SUCO: variants seen among roughly 807,000 people sequenced by gnomAD.
SUCO encodes the protein SUN domain containing ossification factor.
Under a neutral mutation model 148.1 loss-of-function variants are expected in SUCO, and 57 were observed. The ratio of observed to expected loss-of-function variants is 0.38; its 90% CI spans 0.31 to 0.48. The LOEUF (loss-of-function observed/expected upper bound fraction) is 0.48, where lower values mean the gene tolerates loss of function less well. Ranked by LOEUF, SUCO falls within the 20% of genes least tolerant of loss-of-function variation. The pLI is 0.96. For synonymous variants in SUCO, 470 were observed against 502.7 expected (o/e 0.93, Z 0.87); for missense variants, 1,331 against 1,468.2 (o/e 0.91, Z 1.53).
At position 172,608,756 on chromosome 1, in the gene SUCO, A is replaced by G. The variant is rs1183894484; in HGVS notation, c.3275A>G (p.Asn1092Ser). The change falls in exon 23 of 24, where the codon AAT becomes AGT. Residue 1092 changes from asparagine to serine, a missense_variant. Asn to Ser is a conservative substitution (Grantham distance 46). This residue lies in a region of SUCO where 334 missense variants were observed against 352.3 expected (regional missense o/e 0.95). Coordinates refer to ENST00000263688, the MANE Select transcript of SUCO (RefSeq NM_014283.5). ...LQLTGKEVDP[N>S]DLYIVEPLKF... ...TTTTTTTTACTTACAGTAGACCCAA[A>G]TGATTTGTACATTGTAGAACCCCTC... 1 of 1,582,422 alleles carries G rather than the reference A, an allele frequency of 6.3e-7. No individual in the cohort carries two copies. Among genetic ancestry groups the G allele is most frequent in the Admixed American group, 1.8e-5 (1 of 55,828 alleles).
chr1:172,549,782 T>C (rs1228028640), intron 1 of SUCO, among the ~76,000 whole-genome samples: 1 of 151,472 alleles, frequency 6.6e-6, no homozygotes, highest in Non-Finnish European at 1.5e-5. Flanking sequence ...CACATAGTTG[T>C]AACATACACC....
At chr1:172,584,295 A>G (rs956620253) in intron 15 of SUCO, 1 of 558,346 alleles carries the variant, frequency 1.8e-6, no homozygotes, top group African/African-American at 2.0e-5. Flanking sequence ...GCTTTTTTAC[A>G]CTTTTTTAAA....
At chr1:172,555,015 A>G (rs1653621082) in intron 3 of SUCO, among the ~76,000 whole-genome samples, 1 of 152,050 alleles carries the variant, frequency 6.6e-6, no homozygotes, top group South Asian at 2.1e-4. Flanking sequence ...CTTCTAATTC[A>G]TCATAGTCCT....
chr1:172,553,703 A>G (rs1653488451), intron 3 of SUCO, among the ~76,000 whole-genome samples: 1 of 152,132 alleles, frequency 6.6e-6, no homozygotes, highest in South Asian at 2.1e-4. Flanking sequence ...AATCACTTGG[A>G]ACAAAAGGGA....
intron 2 of SUCO, chr1:172,552,736 C>A: frequency 1.6e-6 from 1 of 631,164 alleles, no homozygotes; most frequent in Non-Finnish European, 2.0e-6. Context: ...ATTTTGCAAA[C>A]AAATGTCATA....
At chr1:172,584,036 C>A (rs1361816410) in intron 15 of SUCO, among the ~76,000 whole-genome samples, 1 of 152,162 alleles carries the variant, frequency 6.6e-6, no homozygotes. Context: ...CATTAATCTG[C>A]CCCATACCTG....
intron 1 of SUCO, among the ~76,000 whole-genome samples, chr1:172,547,070 G>A (rs541866699): frequency 1.2e-4 from 19 of 152,190 alleles, no homozygotes; most frequent in Admixed American, 9.8e-4. Flanking sequence ...ATCCCCCAGA[G>A]GCAAGTAGTG....
chr1:172,601,784 A>C (rs1410651206), intron 20 of SUCO, among the ~76,000 whole-genome samples: 1 of 152,198 alleles, frequency 6.6e-6, no homozygotes, highest in Non-Finnish European at 1.5e-5. Flanking sequence ...ATGTGACAAA[A>C]TGTTAACAAT....
chr1:172,556,360 G>T (rs1473983262), intron 4 of SUCO, among the ~76,000 whole-genome samples: 1 of 152,032 alleles, frequency 6.6e-6, no homozygotes, highest in Admixed American at 6.6e-5. Flanking sequence ...CAAATGTCAG[G>T]TTATTCATTT....
At chr1:172,573,838 T>C in intron 9 of SUCO, 53 bp from the exon 10 acceptor site, 1 of 981,436 alleles carries the variant, frequency 1.0e-6, no homozygotes, top group South Asian at 1.4e-5. Flanking sequence ...TCATATTTAA[T>C]ATGAACTGTT....
chr1:172,581,735 A>G (rs1294935151), intron 15 of SUCO, among the ~76,000 whole-genome samples: 3 of 152,152 alleles, frequency 2.0e-5, no homozygotes, highest in Non-Finnish European at 4.4e-5. Context: ...TTTAATGTGT[A>G]CATAGTATCC....
chr1:172,561,067 C>T (rs1050319296), intron 6 of SUCO, among the ~76,000 whole-genome samples: 2 of 152,262 alleles, frequency 1.3e-5, no homozygotes, highest in African/African-American at 4.8e-5. Context: ...CAGGAGAAGC[C>T]ACCATGTATG....
intron 1 of SUCO, chr1:172,550,891 G>A: frequency 1.0e-6 from 1 of 977,336 alleles, no homozygotes; most frequent in Non-Finnish European, 1.2e-6. Context: ...TTATTATGTT[G>A]GACTAGTTTT....
chr1:172,557,933 G>A (rs954526628), intron 6 of SUCO, 139 bp downstream of exon 6: 25 of 656,110 alleles, frequency 3.8e-5, no homozygotes, highest in African/African-American at 1.3e-4. Flanking sequence ...GAACTAACAC[G>A]AACTGTGCTC....
intron 6 of SUCO, among the ~76,000 whole-genome samples, chr1:172,566,687 G>C (rs1438811476): frequency 1.3e-5 from 2 of 152,206 alleles, no homozygotes; most frequent in East Asian, 3.9e-4. Flanking sequence ...ATTAAGGGGT[G>C]GTTTACGCAG....
Position 172,588,791 on chromosome 1 carries a change from A to G in SUCO, c.1690A>G (p.Met564Val), listed in dbSNP as rs1656411410. ...AACCACTGAAGTACACACACATGAC[A>G]TGGAGCCGTCAACACCAGATACTCC... ...YVTTEVHTHDMEPSTPDTPKE... is the reference protein window; with the variant it reads ...YVTTEVHTHDVEPSTPDTPKE... The change falls in exon 18 of 24, where the codon ATG (methionine) becomes GTG (valine). Residue 564 changes from methionine (M) to valine (V), a missense_variant. Coordinates refer to ENST00000263688, the MANE Select transcript of SUCO (RefSeq NM_014283.5). 1.3e-6 allele frequency: 2 copies of G among 1,561,538 alleles called. No homozygotes were observed. Among genetic ancestry groups the G allele is most frequent in the South Asian group, 1.2e-5 (1 of 82,064 alleles).
chr1:172,610,248 G>A lies in SUCO; in HGVS notation c.3754G>A (p.Gly1252Arg). ...VGTFGVTAVS[G>R]HI Reference sequence around the variant, plus strand: ...AACATTTGGTGTTACAGCAGTCTCGGGACATATCTAAAATTAATTGAACTT... The same window carrying A: ...AACATTTGGTGTTACAGCAGTCTCGAGACATATCTAAAATTAATTGAACTT... The change falls in exon 24 of 24, where the codon GGA becomes AGA. Residue 1252 changes from glycine (G) to arginine (R), a missense_variant. Gly to Arg is a moderately radical substitution (Grantham distance 125). Around this residue, in one of 3 missense-constraint regions of SUCO, gnomAD observed 334 missense variants for 352.3 expected, o/e 0.95. Transcript: ENST00000263688. 6.3e-7 allele frequency: 1 copy of A among 1,580,944 alleles called. No individual in the cohort carries two copies. Among genetic ancestry groups the A allele is most frequent in the Non-Finnish European group, 8.6e-7 (1 of 1,168,300 alleles).
upstream of SUCO, chr1:172,532,574 A>G (rs1445427640): frequency 6.2e-7 from 1 of 1,613,952 alleles, no homozygotes; most frequent in Admixed American, 1.7e-5. Context: ...AGCTTCCCTC[A>G]CAACACACAC....
chr1:172,568,305 T>TACCC, intron 6 of SUCO: 1 of 905,998 alleles, frequency 1.1e-6, no homozygotes, highest in Non-Finnish European at 1.3e-6. Context: ...ATTCTTTGCT[T>TACCC]CCCACCCACC....
Sources: gnomAD v4.1 joint callset for allele counts (sites outside exome capture counted in the v4.1 genomes callset) on GRCh38, gnomAD v4.1.1 for gene constraint, gnomAD v4.1.1 regional missense constraint, MANE v1.5 for transcripts, NCBI Gene and HGNC (gene_info 2026-07-23, HGNC 2026-07-21) for gene names.